The following TAF15 variants were observed in gnomAD, a reference collection of about 807,000 sequenced individuals.
TAF15 encodes TATA-box binding protein associated factor 15.
In TAF15, 37 loss-of-function variants were observed where a neutral mutation model predicts 102.5. That is an observed-to-expected ratio of 0.36 (90% CI 0.28 to 0.47). The LOEUF is 0.47. Ranked by LOEUF, TAF15 falls within the 20% of genes least tolerant of loss-of-function variation. TAF15 has a pLI of 0.99. For missense variants in TAF15, 652 were observed against 760.7 expected, an observed-to-expected ratio of 0.86 and a Z score of 1.68; for synonymous variants, 273 against 259.2, an observed-to-expected ratio of 1.05 and a Z score of -0.51.
intron 11 of TAF15, among the ~76,000 whole-genome samples, chr17:35,839,700 G>A (rs1049753256): frequency 6.6e-6 from 1 of 151,842 alleles, no homozygotes; most frequent in Non-Finnish European, 1.5e-5. Flanking sequence ...TTTTTTAACA[G>A]AAAGTAGAAG....
intron 13 of TAF15, 59 bp from the exon 14 acceptor site, chr17:35,844,221 A>G: frequency 6.2e-7 from 1 of 1,611,104 alleles, no homozygotes; most frequent in Non-Finnish European, 8.5e-7. Flanking sequence ...AGGATACAGA[A>G]AGGGGTTCTG....
rs763732112 is a variant in TAF15 at position 35,845,049 on chromosome 17, GAATGTGTTTATTAACCTTTTTAC to G, written c.1739+12_1739+34del. On this transcript the variant is annotated intron_variant, in intron 15 of 15. Coordinates refer to ENST00000605844, the MANE Select transcript of TAF15 (RefSeq NM_139215.3). ...CAAAATGGGAGGAAGGTGAGTATTA[GAATGTGTTTATTAACCTTTTTAC>G]CTCACTGCACCTAGATTGGGGGATT... The G allele has an allele frequency of 7.4e-6, 12 of 1,613,902 alleles. No individual in the cohort carries two copies. In the South Asian group the frequency reaches 1.3e-4, roughly 18 times the overall value.
rs1415234000 is a variant in TAF15 at position 35,844,983 on chromosome 17, C to G, written c.1684C>G (p.Arg562Gly). ...DRSGGGYGGD[R>G]GGGYGGDRGG... is the part of the protein sequence containing the mutation. ...GAGTGGTGGCGGCTATGGAGGAGAC[C>G]GAGGTGGGGGCTACGGAGGAGACCG... The change falls in exon 15 of 16, where the codon CGA (arginine) becomes GGA (glycine). Residue 562 changes from arginine (R) to glycine (G), a missense_variant. By Grantham distance (125) the Arg-to-Gly change is moderately radical (BLOSUM62 -2). Around this residue, in one of 3 missense-constraint regions of TAF15, gnomAD observed 368 missense variants for 367.5 expected, o/e 1.00. Transcript: ENST00000605844. The G allele has an allele frequency of 3.1e-6, 5 of 1,609,914 alleles. No individual in the cohort carries two copies. The highest frequency in any genetic ancestry group is 4.2e-6 in the Non-Finnish European group (5 of 1,177,762).
chr17:35,817,615 CT>C (rs1302054653), intron 1 of TAF15, 100 bp from the exon 2 acceptor site: 1 of 1,017,154 alleles, frequency 9.8e-7, no homozygotes, highest in East Asian at 2.5e-5. Flanking sequence ...TTCTGCAGTT[CT>C]TTACATTTTC....
chr17:35,838,566 CG>C lies in TAF15; in HGVS notation c.913+14del. On this transcript the variant is annotated intron_variant, in intron 11 of 15. Transcript: ENST00000605844. ...GACTGGTTTGATGGTATGCCTCATT[CG>C]TATAGTTTTCAGCATGAAGTTGGAT... The C allele has an allele frequency of 6.2e-7, 1 of 1,613,822 alleles. No individual in the cohort carries two copies.
At chr17:35,834,671 G>T (rs1028605929) in intron 9 of TAF15, 73 bp downstream of exon 9, 4 of 1,394,590 alleles carry the variant, frequency 2.9e-6, no homozygotes, top group Non-Finnish European at 3.0e-6. Context: ...AAAAGTGTGT[G>T]TTTGGAGGGG....
At position 35,844,482 on chromosome 17, in the gene TAF15, C is replaced by T. The variant is rs754444912; in HGVS notation, c.1183C>T (p.Arg395Trp). The change falls in exon 15 of 16, where the codon CGG becomes TGG. Residue 395 changes from arginine to tryptophan, a missense_variant. Arg to Trp is a moderately radical substitution (Grantham distance 101). Around this residue, in one of 3 missense-constraint regions of TAF15, gnomAD observed 368 missense variants for 367.5 expected, o/e 1.00. Transcript: ENST00000605844. ...TTTGCATTTCTACCTTGCAGATTTC[C>T]GGGGGAGAGGCTACGGTGGAGAGAG... ...EDSRPSGGDF[R>W]GRGYGGERGY... The T allele has an allele frequency of 8.7e-6, 14 of 1,612,886 alleles. No homozygotes were observed. Among genetic ancestry groups the T allele is most frequent in the East Asian group, 2.2e-5 (1 of 44,830 alleles).
At chr17:35,821,284 A>C (rs2087255115) in intron 5 of TAF15, among the ~76,000 whole-genome samples, 1 of 152,212 alleles carries the variant, frequency 6.6e-6, no homozygotes, top group Non-Finnish European at 1.5e-5. Flanking sequence ...TAGAGTACAA[A>C]TGTAGGGAAT....
intron 7 of TAF15, among the ~76,000 whole-genome samples, chr17:35,827,065 A>G (rs1283989740): frequency 1.3e-5 from 2 of 151,976 alleles, no homozygotes; most frequent in African/African-American, 4.8e-5. Context: ...GTCTTCATCA[A>G]CACTCCCGTT....
At chr17:35,832,034 C>A (rs1463126350) in intron 7 of TAF15, among the ~76,000 whole-genome samples, 2 of 152,074 alleles carry the variant, frequency 1.3e-5, no homozygotes, top group Non-Finnish European at 2.9e-5. Context: ...GCCAAGATTG[C>A]GCCACTGCAC....
At chr17:35,817,790 G>A in intron 2 of TAF15, 35 bp downstream of exon 2, 4 of 1,590,492 alleles carry the variant, frequency 2.5e-6, no homozygotes, top group Non-Finnish European at 3.5e-6. Flanking sequence ...ATATGAAAGG[G>A]TAGAACTGAG....
rs1488450948 is a variant in TAF15, at chr17:35,821,139, C to T, written c.290+702C>T. 2.6e-5 allele frequency among the ~76,000 whole-genome samples: 4 copies of T among 152,202 alleles called. No individual in the cohort carries two copies. The East Asian group carries it at 7.7e-4, about 29-fold the overall frequency. ...GCCTATCAAGTGACGTGGCTAAAAA[C>T]TGAGGTCTCTAGTGTTTTCTTTCTA... On this transcript the variant is annotated intron_variant, in intron 5 of 15. Coordinates refer to ENST00000605844, the MANE Select transcript of TAF15 (RefSeq NM_139215.3).
rs551894376 is a variant in TAF15 at position 35,826,558 on chromosome 17, ATT to A, written c.605+2376_605+2377del. 3.6e-3 allele frequency among the ~76,000 whole-genome samples: 499 copies of A among 136,742 alleles called. 6 individuals are homozygous for A. Among genetic ancestry groups the A allele is most frequent in the African/African-American group, 0.01 (372 of 36,270 alleles). 89.7% of individuals were successfully genotyped at this position (136,742 alleles called of 152,430 possible). ...GATACTGAAATTTAAAGTTCATATAATTTTTTTTTTTTTTTTTGAGATGGAGT... is the reference window on the plus strand; with the variant it reads ...GATACTGAAATTTAAAGTTCATATAATTTTTTTTTTTTTTTGAGATGGAGT... On this transcript the variant is annotated intron_variant, in intron 7 of 15. Transcript: ENST00000605844.
rs1278572423 is a variant in TAF15 at position 35,824,082 on chromosome 17, C to A, written c.489C>A (p.Asp163Glu). The change falls in exon 7 of 16, where the codon GAC (aspartate) becomes GAA (glutamate). Residue 163 changes from aspartate to glutamate, a missense_variant. Transcript: ENST00000605844. ...RENYSHHTQD[D>E]RRDVSRYGED... ...GTAATATTTTCTTTTTTGTAGATGA[C>A]CGTCGTGATGTGAGTAGGTATGGAG... 9.3e-6 allele frequency: 15 copies of A among 1,613,872 alleles called. No homozygotes were observed. The highest frequency in any genetic ancestry group is 1.3e-5 in the Non-Finnish European group (15 of 1,180,000).
At chr17:35,820,802 T>C (rs1041609096) in intron 5 of TAF15, among the ~76,000 whole-genome samples, 11 of 152,138 alleles carry the variant, frequency 7.2e-5, no homozygotes, top group African/African-American at 2.4e-4. Flanking sequence ...TATTAACTTT[T>C]CAGGGACAAA....
At chr17:35,812,334 C>T (rs1201480352) in intron 1 of TAF15, among the ~76,000 whole-genome samples, 4 of 152,062 alleles carry the variant, frequency 2.6e-5, no homozygotes, top group East Asian at 1.9e-4. Flanking sequence ...TGGTGGCTCA[C>T]GTCTGTAATC....
intron 7 of TAF15, among the ~76,000 whole-genome samples, chr17:35,829,403 C>T (rs1014521313): frequency 2.0e-5 from 3 of 150,470 alleles, no homozygotes; most frequent in African/African-American, 4.9e-5. Flanking sequence ...GAGGCCGAGA[C>T]GGGTGGATCA....
intron 11 of TAF15, among the ~76,000 whole-genome samples, chr17:35,839,068 C>G: frequency 6.6e-6 from 1 of 151,684 alleles, no homozygotes. Flanking sequence ...GAGTTGGAGA[C>G]CAGCCTGGGC....
intron 1 of TAF15, among the ~76,000 whole-genome samples, chr17:35,813,914 C>T (rs982998580): frequency 6.6e-6 from 1 of 151,886 alleles, no homozygotes; most frequent in African/African-American, 2.4e-5. Flanking sequence ...TTTGAAGAAG[C>T]TGGAAAATAA....
Sources: gnomAD v4.1 joint callset for allele counts (sites outside exome capture counted in the v4.1 genomes callset) on GRCh38, gnomAD v4.1.1 for gene constraint, gnomAD v4.1.1 regional missense constraint, MANE v1.5 for transcripts, NCBI Gene and HGNC (gene_info 2026-07-23, HGNC 2026-07-21) for gene names.